Variants in DEPDC5 observed in about 807,000 individuals in gnomAD.
The protein encoded by DEPDC5 is DEP domain containing 5, GATOR1 subcomplex subunit, also known as GATOR1 complex protein DEPDC5.
DEPDC5 carries 73 observed loss-of-function variants against 217.3 expected under a neutral mutation model. That is an observed-to-expected ratio of 0.34 (90% CI 0.28 to 0.41). The LOEUF (loss-of-function observed/expected upper bound fraction) is 0.41. DEPDC5 is among the 10% of genes least tolerant of loss of function. DEPDC5 has a pLI of 1.00. For missense variants in DEPDC5, 1,675 were observed against 2,070.1 expected (o/e 0.81, Z 3.70); for synonymous variants, 733 against 756.7 (o/e 0.97, Z 0.51).
At chr22:31,893,228 G>A (rs891988452) in intron 38 of DEPDC5, among the ~76,000 whole-genome samples, 1 of 152,040 alleles carries the variant, frequency 6.6e-6, no homozygotes, top group African/African-American at 2.4e-5. Context: ...TATCTAACAT[G>A]ATATCCTACA....
intron 21 of DEPDC5, among the ~76,000 whole-genome samples, chr22:31,817,867 G>T (rs1329743743): frequency 6.7e-6 from 1 of 149,714 alleles, no homozygotes. Context: ...TTTTTATTTT[G>T]TAAGTTAGAG....
chr22:31,814,653 C>G (rs905931934), intron 20 of DEPDC5: 3 of 245,274 alleles, frequency 1.2e-5, no homozygotes, highest in African/African-American at 4.5e-5. Flanking sequence ...GCACTATGTT[C>G]TTTCTCCCAC....
intron 2 of DEPDC5, among the ~76,000 whole-genome samples, chr22:31,755,803 C>G (rs2075277505): frequency 6.6e-6 from 1 of 151,826 alleles, no homozygotes; most frequent in Admixed American, 6.6e-5. Context: ...TCCATTCTGT[C>G]TTAACAGCAT....
At chr22:31,760,769 T>G in intron 4 of DEPDC5, 67 bp downstream of exon 4, 1 of 1,348,542 alleles carries the variant, frequency 7.4e-7, no homozygotes. Context: ...GAAATCTCTC[T>G]TCATAATTTC....
intron 31 of DEPDC5, among the ~76,000 whole-genome samples, chr22:31,855,058 A>C (rs1181076862): frequency 6.7e-6 from 1 of 149,424 alleles, no homozygotes; most frequent in East Asian, 2.0e-4. Flanking sequence ...TCTGCCTCCC[A>C]GGTTCAAGCG....
chr22:31,886,935 T>G (rs1275433063), intron 38 of DEPDC5, among the ~76,000 whole-genome samples: 3 of 150,578 alleles, frequency 2.0e-5, no homozygotes, highest in Non-Finnish European at 4.4e-5. Context: ...TACAAAAAAT[T>G]AGCATGGCGT....
intron 32 of DEPDC5, 83 bp downstream of exon 32, chr22:31,857,636 C>G: frequency 8.5e-7 from 1 of 1,175,292 alleles, no homozygotes; most frequent in Non-Finnish European, 1.2e-6. Context: ...CCCTTCAGAT[C>G]CGGGATTGCA....
intron 40 of DEPDC5, among the ~76,000 whole-genome samples, chr22:31,899,774 A>C (rs1466317951): frequency 1.3e-5 from 2 of 152,172 alleles, no homozygotes; most frequent in African/African-American, 4.8e-5. Flanking sequence ...AAACCACCGC[A>C]GGCACTCTTG....
At chr22:31,897,789 G>C in intron 40 of DEPDC5, 136 bp downstream of exon 40, 1 of 1,006,114 alleles carries the variant, frequency 9.9e-7, no homozygotes, top group Non-Finnish European at 1.4e-6. Context: ...AAGGATCAAG[G>C]TTCTAAAGGA....
rs12628835 is a variant in DEPDC5 at position 31,866,541 on chromosome 22, A to G, written c.3331-4049A>G. Among the ~76,000 whole-genome samples, 21 of 152,286 alleles carry G rather than the reference A, an allele frequency of 1.4e-4. No homozygotes were observed. In the East Asian group the frequency reaches 3.9e-3, roughly 28 times the overall value. ...GCTGGGATTACAGGCACACGCTGCC[A>G]TGCCCAGCTAATCTTTGTATTTTTA... is the stretch of plus-strand genomic sequence containing the variant. On this transcript the variant is annotated intron_variant, in intron 33 of 42. Transcript: ENST00000651528.
At chr22:31,837,205 T>C in intron 26 of DEPDC5, 50 bp downstream of exon 26, 1 of 1,593,796 alleles carries the variant, frequency 6.3e-7, no homozygotes, top group East Asian at 2.2e-5. Flanking sequence ...GGGTTTCGGA[T>C]ATATCCCACA....
chr22:31,805,873 G>A (rs1030834939), intron 17 of DEPDC5, among the ~76,000 whole-genome samples: 1 of 152,136 alleles, frequency 6.6e-6, no homozygotes, highest in Non-Finnish European at 1.5e-5. Flanking sequence ...TGAGGTGGGA[G>A]GAATGCTTGA....
intron 38 of DEPDC5, among the ~76,000 whole-genome samples, chr22:31,887,477 G>C (rs374007157): frequency 8.6e-5 from 13 of 151,442 alleles, no homozygotes; most frequent in Middle Eastern, 6.9e-3. Flanking sequence ...GGAGATTTGG[G>C]AAGAAGAGAG....
chr22:31,879,132 A>G (rs547566094), intron 37 of DEPDC5, among the ~76,000 whole-genome samples: 34 of 148,304 alleles, frequency 2.3e-4, no homozygotes, highest in African/African-American at 8.1e-4. Flanking sequence ...ATATATATAC[A>G]TATATATTTT....
intron 6 of DEPDC5, 80 bp downstream of exon 6, chr22:31,766,748 A>G (rs898345029): frequency 2.2e-5 from 29 of 1,327,766 alleles, no homozygotes; most frequent in Non-Finnish European, 3.0e-5. Flanking sequence ...AGAAGAATAT[A>G]AAATCGTTTC....
intron 32 of DEPDC5, among the ~76,000 whole-genome samples, chr22:31,861,161 G>GCT (rs1056545404): frequency 2.7e-4 from 40 of 145,962 alleles, no homozygotes; most frequent in Middle Eastern, 3.7e-3. Flanking sequence ...TCTGGGTGGC[G>GCT]CTCTCTCTCT....
intron 40 of DEPDC5, among the ~76,000 whole-genome samples, chr22:31,899,981 G>T (rs1239430474): frequency 6.6e-6 from 1 of 152,154 alleles, no homozygotes; most frequent in Non-Finnish European, 1.5e-5. Flanking sequence ...GGGTTATGGA[G>T]GAGCGGACTT....
chr22:31,868,922 G>A lies in DEPDC5; in HGVS notation c.3331-1668G>A, dbSNP rs935047588. Reference sequence around the variant, plus strand: ...CTTTGATGCATGCTGCTGGGCTTCCGGGTGAACAGGTTATAATCCTGCCTC... The same window carrying A: ...CTTTGATGCATGCTGCTGGGCTTCCAGGTGAACAGGTTATAATCCTGCCTC... On this transcript the variant is annotated intron_variant, in intron 33 of 42. Coordinates refer to ENST00000651528, the MANE Select transcript of DEPDC5 (RefSeq NM_001242896.3). 1.2e-4 allele frequency among the ~76,000 whole-genome samples: 18 copies of A among 152,146 alleles called. No individual in the cohort carries two copies. In the South Asian group the frequency reaches 1.5e-3, roughly 12 times the overall value.
rs1044462770 is a variant in DEPDC5, at chr22:31,874,084, C to T, written c.3564-189C>T. On this transcript the variant is annotated intron_variant, in intron 35 of 42. Coordinates refer to ENST00000651528, the MANE Select transcript of DEPDC5 (RefSeq NM_001242896.3). ...CTGGGATTACAGGCGTGAGCGACCA[C>T]GCTGGGCCCCCGGTAACAGTTTCTT... 20 of 907,182 alleles carry T rather than the reference C, an allele frequency of 2.2e-5. No homozygotes were observed. The East Asian group carries it at 4.3e-4, about 19-fold the overall frequency. 56.2% of individuals were successfully genotyped at this position (907,182 alleles called of 1,614,324 possible). A position where few individuals can be genotyped will look rare whatever the true frequency, so the allele number is the denominator to read the frequency against.
Sources: gnomAD v4.1 joint callset for allele counts (sites outside exome capture counted in the v4.1 genomes callset) on GRCh38, gnomAD v4.1.1 for gene constraint, MANE v1.5 for transcripts, NCBI Gene and HGNC (gene_info 2026-07-23, HGNC 2026-07-21) for gene names.